The following ANKRD13A variants were observed in gnomAD, a reference collection of about 807,000 sequenced individuals.
ANKRD13A encodes ankyrin repeat domain-containing protein 13A.
A neutral mutation model predicts 81.3 loss-of-function variants in ANKRD13A; 48 were observed. The observed-to-expected ratio is 0.59, with a 90% confidence interval of 0.47 to 0.75. The LOEUF is 0.75. Ranked by LOEUF, ANKRD13A falls within the 30% of genes least tolerant of loss-of-function variation. The pLI, the probability that ANKRD13A is intolerant of heterozygous loss-of-function variation, is 0.00. For synonymous variants in ANKRD13A, 230 were observed against 270.1 expected (o/e 0.85, Z 1.45); for missense variants, 612 against 734.0 (o/e 0.83, Z 1.92).
At chr12:110,010,353 T>C (rs1691233210) in intron 1 of ANKRD13A, among the ~76,000 whole-genome samples, 5 of 152,266 alleles carry the variant, frequency 3.3e-5, no homozygotes, top group Admixed American at 3.3e-4. Flanking sequence ...GTTTATGTAA[T>C]AGACGTGTAG....
intron 8 of ANKRD13A, among the ~76,000 whole-genome samples, chr12:110,026,112 C>T (rs1012317444): frequency 2.6e-5 from 4 of 151,920 alleles, no homozygotes; most frequent in African/African-American, 9.7e-5. Flanking sequence ...CAAGCACCCA[C>T]CACCACGCCC....
intron 3 of ANKRD13A, 81 bp downstream of exon 3, chr12:110,013,330 G>C: frequency 1.3e-6 from 2 of 1,552,364 alleles, no homozygotes; most frequent in Non-Finnish European, 1.8e-6. Flanking sequence ...ACATCCTTGT[G>C]TGCCTTCCTA....
chr12:110,014,296 C>T (rs2137111602), intron 3 of ANKRD13A, among the ~76,000 whole-genome samples: 1 of 152,162 alleles, frequency 6.6e-6, no homozygotes, highest in East Asian at 1.9e-4. Flanking sequence ...CCTGTAGTCC[C>T]AGCTACTCAG....
chr12:110,034,569 TG>T (rs747622655), intron 13 of ANKRD13A, among the ~76,000 whole-genome samples: 5 of 152,198 alleles, frequency 3.3e-5, no homozygotes, highest in East Asian at 3.8e-4. Flanking sequence ...CCCAAGTAGC[TG>T]GGACTAAAGT....
intron 14 of ANKRD13A, 133 bp from the exon 15 acceptor site, chr12:110,037,226 G>A (rs1464260258): frequency 1.1e-6 from 1 of 897,678 alleles, no homozygotes; most frequent in Non-Finnish European, 1.7e-6. Flanking sequence ...CAGTTATGTG[G>A]GATTAATTGG....
At position 110,036,805 on chromosome 12, in the gene ANKRD13A, TATA is replaced by T. The variant is rs1892084212; in HGVS notation, c.1577+482_1577+484del. Among the ~76,000 whole-genome samples the T allele has an allele frequency of 6.6e-6, 1 of 152,154 alleles. No individual in the cohort carries two copies. Among genetic ancestry groups the T allele is most frequent in the Non-Finnish European group, 1.5e-5 (1 of 68,020 alleles). On this transcript the variant is annotated intron_variant, in intron 14 of 14. Transcript: ENST00000261739. This position sits in a 1 kb window ranked among gnomAD's most constrained non-coding sequence, Gnocchi z 4.6. ...CTTGCTTCCTCTTGTGGCAGTTACT[TATA>T]ATAACTCTAGACTCTTGATAGCAAG...
chr12:110,024,644 T>C (rs368322106), intron 7 of ANKRD13A, among the ~76,000 whole-genome samples: 3 of 152,178 alleles, frequency 2.0e-5, no homozygotes, highest in East Asian at 3.8e-4. Flanking sequence ...AGTCCCTCAG[T>C]ACAACAGGGA....
chr12:110,006,727 G>C (rs1890260645), intron 1 of ANKRD13A, among the ~76,000 whole-genome samples: 1 of 152,026 alleles, frequency 6.6e-6, no homozygotes, highest in Non-Finnish European at 1.5e-5. Flanking sequence ...CTCCCGAGTA[G>C]CTGGGATTAC....
intron 1 of ANKRD13A, among the ~76,000 whole-genome samples, chr12:110,005,920 G>A (rs562037426): frequency 6.6e-6 from 1 of 152,136 alleles, no homozygotes; most frequent in East Asian, 1.9e-4. Flanking sequence ...GGGTTTAAGC[G>A]ATTCTCCTGT....
rs74842404 is a variant in ANKRD13A, at chr12:110,005,800, G to T, written c.96+6016G>T. Among the ~76,000 whole-genome samples the T allele has an allele frequency of 6.8e-3, 1,038 of 152,248 alleles. 1 individual carries two copies. The highest frequency in any genetic ancestry group is 9.4e-3 in the Non-Finnish European group (642 of 68,004). ...GCTATTATGAGTAACGCTGCTGTGT[G>T]TATTTGTGTATATGTTTTTGTGGGT... On this transcript the variant is annotated intron_variant, in intron 1 of 14. Coordinates refer to ENST00000261739, the MANE Select transcript of ANKRD13A (RefSeq NM_033121.2).
rs1485893176 is a variant in ANKRD13A at position 110,038,985 on chromosome 12, C to T, written c.*1431C>T. On this transcript the variant is annotated 3_prime_UTR_variant, in exon 15 of 15. Coordinates refer to ENST00000261739, the MANE Select transcript of ANKRD13A (RefSeq NM_033121.2). Reference sequence around the variant, plus strand: ...ACATAACTACTGTTCCAGGTAACGTCTGTATCATACAGTTAGTGTTGCCAG... The same window carrying T: ...ACATAACTACTGTTCCAGGTAACGTTTGTATCATACAGTTAGTGTTGCCAG... The T allele has an allele frequency of 1.3e-5, 2 of 151,954 alleles. No homozygotes were observed. The highest frequency in any genetic ancestry group is 2.9e-5 in the Non-Finnish European group (2 of 68,022). 9.4% of individuals were successfully genotyped at this position (151,954 alleles called of 1,614,324 possible).
At chr12:110,033,402 AC>A (rs1566063991) in intron 12 of ANKRD13A, among the ~76,000 whole-genome samples, 1 of 152,018 alleles carries the variant, frequency 6.6e-6, no homozygotes, top group Admixed American at 6.6e-5. Flanking sequence ...GGTGAAGGGC[AC>A]ACAGGCATTT....
At position 110,009,499 on chromosome 12, in the gene ANKRD13A, T is replaced by G. The variant is rs183691643; in HGVS notation, c.97-2506T>G. Among the ~76,000 whole-genome samples the G allele has an allele frequency of 4.6e-5, 7 of 152,388 alleles. No individual in the cohort carries two copies. The South Asian group carries it at 1.2e-3, about 27-fold the overall frequency. On this transcript the variant is annotated intron_variant, in intron 1 of 14. Coordinates refer to ENST00000261739, the MANE Select transcript of ANKRD13A (RefSeq NM_033121.2). Reference sequence around the variant, plus strand: ...TTTCCCTGGTCTATCTAACTAAATGTTCGTCAATGTTGTTGACATTTTCCA... The same window carrying G: ...TTTCCCTGGTCTATCTAACTAAATGGTCGTCAATGTTGTTGACATTTTCCA...
In ANKRD13A at chr12:110,033,930, AAGTCTGCTGG is replaced by A; in HGVS notation, c.1487_1496del (p.Leu496ProfsTer46). 1 of 1,611,328 alleles carries A rather than the reference AAGTCTGCTGG, an allele frequency of 6.2e-7. No homozygotes were observed. The highest frequency in any genetic ancestry group is 8.5e-7 in the Non-Finnish European group (1 of 1,178,744). On this transcript the variant is annotated frameshift_variant, in exon 13 of 15. Coordinates refer to ENST00000261739, the MANE Select transcript of ANKRD13A (RefSeq NM_033121.2). LOFTEE classifies it high-confidence loss of function. The stretch of plus-strand genomic sequence containing the variant: ...AGATAATGCAGTTTGCCATCCAGCA[AAGTCTGCTGG>A]AGTCCAGCAGGAGCCAGGTGTGTTT...
chr12:110,029,411 A>G (rs1442652751), intron 10 of ANKRD13A, 67 bp from the exon 11 acceptor site: 11 of 1,556,258 alleles, frequency 7.1e-6, no homozygotes, highest in Non-Finnish European at 9.7e-6. Flanking sequence ...AGCCTACTGC[A>G]TAGCAATAAT....
intron 13 of ANKRD13A, among the ~76,000 whole-genome samples, chr12:110,035,163 T>C (rs982578315): frequency 3.9e-5 from 6 of 152,194 alleles, no homozygotes; most frequent in Non-Finnish European, 8.8e-5. Flanking sequence ...CAGCCTGGTA[T>C]GCTTTTCCTT....
rs116205953 is a variant in ANKRD13A at position 110,023,755 on chromosome 12, C to T, written c.735-291C>T. On this transcript the variant is annotated intron_variant, in intron 6 of 14. Coordinates refer to ENST00000261739, the MANE Select transcript of ANKRD13A (RefSeq NM_033121.2). ...TCAGTCACTTCTTTGGGACTGCTGTCCAATAAATGTCACCACCTTTGTCCT... is the reference window on the plus strand; with the variant it reads ...TCAGTCACTTCTTTGGGACTGCTGTTCAATAAATGTCACCACCTTTGTCCT... 7.7e-3 allele frequency: 2,317 copies of T among 301,556 alleles called. 65 individuals carry two copies. The highest frequency in any genetic ancestry group is 0.047 in the African/African-American group (2,158 of 46,338). The allele number at this position is 301,556 out of a possible 1,614,324, so 18.7% of individuals were successfully genotyped here.
rs1566049539 is a variant in ANKRD13A at position 110,012,200 on chromosome 12, C to CA, written c.229+70dup. Reference sequence around the variant, plus strand: ...GCACCATGGTGAAACCCTGTCTCTACAAAAAAATATGAAAATTAGCCAGGT... The same window carrying CA: ...GCACCATGGTGAAACCCTGTCTCTACAAAAAAAATATGAAAATTAGCCAGGT... On this transcript the variant is annotated intron_variant, in intron 2 of 14. Transcript: ENST00000261739. The CA allele has an allele frequency of 8.6e-6, 13 of 1,510,682 alleles. No homozygotes were observed. In the South Asian group the frequency reaches 1.2e-4, roughly 14 times the overall value. The allele number at this position is 1,510,682 out of a possible 1,614,324, so 93.6% of individuals were successfully genotyped here.
intron 1 of ANKRD13A, among the ~76,000 whole-genome samples, chr12:110,010,589 T>C (rs1482379751): frequency 1.3e-5 from 2 of 152,200 alleles, no homozygotes; most frequent in Non-Finnish European, 2.9e-5. Flanking sequence ...CAGGGAATCA[T>C]GGGAGGTGTG....
Sources: gnomAD v4.1 joint callset for allele counts (sites outside exome capture counted in the v4.1 genomes callset) on GRCh38, gnomAD v4.1.1 for gene constraint, Gnocchi (gnomAD v3.1) non-coding constraint, MANE v1.5 for transcripts, NCBI Gene and HGNC (gene_info 2026-07-23, HGNC 2026-07-21) for gene names.